FOXJ3: variants seen among roughly 807,000 people sequenced by gnomAD.
FOXJ3 encodes the protein forkhead box protein J3.
In FOXJ3, 22 loss-of-function variants were observed where a neutral mutation model predicts 76.1. The ratio of observed to expected loss-of-function variants is 0.29; its 90% CI spans 0.21 to 0.41. FOXJ3 has a LOEUF of 0.41. Ranked by LOEUF, FOXJ3 falls within the 10% of genes least tolerant of loss-of-function variation. FOXJ3 has a pLI of 1.00. For synonymous variants in FOXJ3, 269 were observed against 261.2 expected, an observed-to-expected ratio of 1.03 and a Z score of -0.29; for missense variants, 613 against 762.1, an observed-to-expected ratio of 0.80 and a Z score of 2.30.
chr1:42,235,935 G>C (rs1480162910), intron 4 of FOXJ3, among the ~76,000 whole-genome samples: 1 of 152,102 alleles, frequency 6.6e-6, no homozygotes, highest in Non-Finnish European at 1.5e-5. Flanking sequence ...TGATCCTCCT[G>C]CCTTGGGCAT....
chr1:42,246,854 T>C (rs1002982117), intron 4 of FOXJ3, among the ~76,000 whole-genome samples: 2 of 152,074 alleles, frequency 1.3e-5, no homozygotes, highest in African/African-American at 4.8e-5. Flanking sequence ...TGAAATACTA[T>C]CATAAAAAAG....
intron 5 of FOXJ3, among the ~76,000 whole-genome samples, chr1:42,214,426 T>A (rs909288631): frequency 1.3e-5 from 2 of 151,762 alleles, no homozygotes; most frequent in Non-Finnish European, 2.9e-5. Flanking sequence ...ACAAAGAAAG[T>A]ATCGATGAAT....
rs748672460 is a variant in FOXJ3 at position 42,311,221 on chromosome 1, T to C, written c.-17-111A>G. 2.2e-5 allele frequency: 15 copies of C among 667,040 alleles called. No individual in the cohort carries two copies. The South Asian group carries it at 3.3e-4, about 15-fold the overall frequency. 41.3% of individuals were successfully genotyped at this position (667,040 alleles called of 1,614,324 possible). A position where few individuals can be genotyped will look rare whatever the true frequency, so the allele number is the denominator to read the frequency against. The stretch of plus-strand genomic sequence containing the variant: ...TGAAAACAGAAGTAGAATGTTCTAC[T>C]AAAGAATTCTACTAAAAGAATCACC... On this transcript the variant is annotated intron_variant, in intron 1 of 12. Coordinates refer to ENST00000361346, the MANE Select transcript of FOXJ3 (RefSeq NM_014947.5).
intron 4 of FOXJ3, among the ~76,000 whole-genome samples, chr1:42,235,208 C>T (rs766055929): frequency 3.3e-5 from 5 of 152,198 alleles, no homozygotes; most frequent in East Asian, 3.9e-4. Flanking sequence ...GAGCCAGGCA[C>T]GGGATATAAT....
At chr1:42,182,376 T>C (rs1309596593) in intron 11 of FOXJ3, among the ~76,000 whole-genome samples, 1 of 152,118 alleles carries the variant, frequency 6.6e-6, no homozygotes, top group East Asian at 1.9e-4. Flanking sequence ...CAAAGGAGGG[T>C]AAGACAGGGA....
Position 42,326,207 on chromosome 1 carries a change from C to T in FOXJ3, c.-18+8852G>A, listed in dbSNP as rs1183996393. ...TTGAGGTTGCAATGAGCAGAGATCA[C>T]GCCACTGCACCCCAGCCTGGGAGAC... On this transcript the variant is annotated intron_variant, in intron 1 of 12. Coordinates refer to ENST00000361346, the MANE Select transcript of FOXJ3 (RefSeq NM_014947.5). 4.6e-5 allele frequency among the ~76,000 whole-genome samples: 7 copies of T among 152,220 alleles called. 1 individual carries two copies. The South Asian group carries it at 1.5e-3, about 32-fold the overall frequency.
At chr1:42,225,231 C>T (rs984132574) in intron 5 of FOXJ3, among the ~76,000 whole-genome samples, 25 of 152,036 alleles carry the variant, frequency 1.6e-4, no homozygotes, top group African/African-American at 3.6e-4. Flanking sequence ...AAATTTAATA[C>T]GGAACTTAGA....
rs754345326 is a variant in FOXJ3, at chr1:42,181,882, C to T, written c.1753+35G>A. The T allele has an allele frequency of 7.9e-6, 11 of 1,388,946 alleles. No homozygotes were observed. The East Asian group carries it at 9.1e-5, about 12-fold the overall frequency. The allele number at this position is 1,388,946 out of a possible 1,614,324, so 86.0% of individuals were successfully genotyped here. A position where few individuals can be genotyped will look rare whatever the true frequency, so the allele number is the denominator to read the frequency against. On this transcript the variant is annotated intron_variant, in intron 12 of 12. Transcript: ENST00000361346. Reference sequence around the variant, plus strand: ...TGGAGTGCTCACACACACACACACACACACACACACACTCACTCTCTCTCT... The same window carrying T: ...TGGAGTGCTCACACACACACACACATACACACACACACTCACTCTCTCTCT...
At chr1:42,333,041 T>C (rs189892887) in intron 1 of FOXJ3, among the ~76,000 whole-genome samples, 2 of 152,136 alleles carry the variant, frequency 1.3e-5, no homozygotes, top group East Asian at 1.9e-4. Context: ...ACTTCACACA[T>C]AGATAACTCG....
chr1:42,271,940 C>G (rs961369961), intron 3 of FOXJ3, among the ~76,000 whole-genome samples: 2 of 152,204 alleles, frequency 1.3e-5, no homozygotes, highest in African/African-American at 4.8e-5. Context: ...CATGAGCCCC[C>G]ACTGCACAGA....
At chr1:42,302,515 A>C (rs1243126871) in intron 2 of FOXJ3, among the ~76,000 whole-genome samples, 1 of 152,144 alleles carries the variant, frequency 6.6e-6, no homozygotes, top group Non-Finnish European at 1.5e-5. Context: ...GGCAGGGGAG[A>C]GCTGGGGTCC....
At chr1:42,242,075 T>C (rs1452163254) in intron 4 of FOXJ3, among the ~76,000 whole-genome samples, 1 of 152,168 alleles carries the variant, frequency 6.6e-6, no homozygotes, top group African/African-American at 2.4e-5. Flanking sequence ...AAAGTTAAAG[T>C]GTTCTATGTG....
At chr1:42,197,680 A>AAAAG (rs201055109) in intron 7 of FOXJ3, among the ~76,000 whole-genome samples, 7 of 151,816 alleles carry the variant, frequency 4.6e-5, no homozygotes, top group East Asian at 3.9e-4. Context: ...TTAAAAAAAA[A>AAAAG]AAAGAAAGAA....
intron 1 of FOXJ3, among the ~76,000 whole-genome samples, chr1:42,324,089 C>CAG (rs370060680): frequency 2.6e-4 from 13 of 50,810 alleles, no homozygotes; most frequent in African/African-American, 4.8e-4. Flanking sequence ...AGTATATATA[C>CAG]TGTATATATA....
chr1:42,197,724 G>C (rs1431521942), intron 7 of FOXJ3, among the ~76,000 whole-genome samples: 1 of 151,462 alleles, frequency 6.6e-6, no homozygotes, highest in Non-Finnish European at 1.5e-5. Context: ...TATCGCCCAG[G>C]CTGGAGTGGA....
chr1:42,255,654 C>T (rs1292640831), intron 4 of FOXJ3, among the ~76,000 whole-genome samples: 3 of 152,132 alleles, frequency 2.0e-5, no homozygotes, highest in Non-Finnish European at 2.9e-5. Flanking sequence ...AAAAGATACA[C>T]CATGATGTTG....
At chr1:42,222,341 C>G (rs537607742) in intron 5 of FOXJ3, among the ~76,000 whole-genome samples, 25 of 152,150 alleles carry the variant, frequency 1.6e-4, no homozygotes, top group African/African-American at 5.1e-4. Flanking sequence ...GCTACATGGC[C>G]CCACAGTTCT....
At chr1:42,283,732 G>A (rs1428510428) in intron 2 of FOXJ3, among the ~76,000 whole-genome samples, 1 of 152,098 alleles carries the variant, frequency 6.6e-6, no homozygotes, top group Non-Finnish European at 1.5e-5. Flanking sequence ...GAATTATTCC[G>A]ATCTCATGCA....
chr1:42,273,918 A>C (rs527385297), intron 3 of FOXJ3, among the ~76,000 whole-genome samples: 1 of 152,274 alleles, frequency 6.6e-6, no homozygotes, highest in African/African-American at 2.4e-5. Context: ...AAAAGCAGTA[A>C]CTGACTAGAA....
Sources: allele counts gnomAD v4.1 joint callset (sites outside exome capture counted in the v4.1 genomes callset), GRCh38; gene constraint gnomAD v4.1.1; transcripts MANE v1.5; gene names NCBI Gene and HGNC (gene_info 2026-07-23, HGNC 2026-07-21).